Variants in ADAMTSL1 observed in about 807,000 individuals in gnomAD.
The protein encoded by ADAMTSL1 is ADAMTS like 1.
In ADAMTSL1, 126 loss-of-function variants were observed where a neutral mutation model predicts 201.8. The observed-to-expected ratio is 0.62, with a 90% CI of 0.54 to 0.72. ADAMTSL1 has a LOEUF of 0.72. Among genes scored for constraint, ADAMTSL1 ranks in the 30% least tolerant of loss-of-function variants. The probability of loss-of-function intolerance (pLI) is 0.00; values close to 1 mark genes in which losing one functional copy is unlikely to be tolerated. For synonymous variants in ADAMTSL1, 1,121 were observed against 903.4 expected (o/e 1.24, Z -4.32); for missense variants, 2,679 against 2,277.8 (o/e 1.18, Z -3.59).
chr9:18,236,112 T>A (rs1385948322), intron 2 of ADAMTSL1, among the ~76,000 whole-genome samples: 12 of 152,116 alleles, frequency 7.9e-5, no homozygotes, highest in Admixed American at 7.9e-4. Flanking sequence ...CCAAAATCTA[T>A]CGGGCTGGAG....
intron 20 of ADAMTSL1, among the ~76,000 whole-genome samples, chr9:18,797,687 C>T (rs773549542): frequency 6.6e-6 from 1 of 152,128 alleles, no homozygotes; most frequent in East Asian, 1.9e-4. Flanking sequence ...TGATCTTGGA[C>T]AAAGTATATA....
At chr9:18,417,009 T>C (rs1934591) in intron 2 of ADAMTSL1, among the ~76,000 whole-genome samples, 103,378 of 151,722 alleles carry the variant, frequency 0.68, 35,469 homozygotes, top group East Asian at 0.9. Flanking sequence ...CAATAGACTG[T>C]ATTCTGGGCC....
chr9:18,423,106 C>T (rs1365856222), intron 2 of ADAMTSL1, among the ~76,000 whole-genome samples: 1 of 152,106 alleles, frequency 6.6e-6, no homozygotes, highest in African/African-American at 2.4e-5. Flanking sequence ...ATTAAATTTT[C>T]CGAGGCCTTT....
chr9:18,004,990 T>C (rs1819754365), intron 1 of ADAMTSL1, among the ~76,000 whole-genome samples: 1 of 152,136 alleles, frequency 6.6e-6, no homozygotes, highest in Non-Finnish European at 1.5e-5. Context: ...TTATATATAA[T>C]GACAAGTAAG....
At chr9:18,556,043 G>C (rs888981797) in intron 3 of ADAMTSL1, among the ~76,000 whole-genome samples, 1 of 151,890 alleles carries the variant, frequency 6.6e-6, no homozygotes, top group Non-Finnish European at 1.5e-5. Flanking sequence ...AGACAGCTCA[G>C]CTCTCAGGAT....
chr9:17,951,312 G>T (rs530652746), intron 1 of ADAMTSL1, among the ~76,000 whole-genome samples: 10 of 152,276 alleles, frequency 6.6e-5, no homozygotes, highest in Admixed American at 5.2e-4. Flanking sequence ...GAATCCACAT[G>T]AGTCTGCCCA....
chr9:17,913,731 G>T (rs1046075025), intron 1 of ADAMTSL1, among the ~76,000 whole-genome samples: 1 of 152,118 alleles, frequency 6.6e-6, no homozygotes, highest in Non-Finnish European at 1.5e-5. Flanking sequence ...ATGAATCCAG[G>T]AGCTGGTTTT....
At chr9:18,156,403 C>A (rs986806550) in intron 1 of ADAMTSL1, among the ~76,000 whole-genome samples, 2 of 151,968 alleles carry the variant, frequency 1.3e-5, no homozygotes, top group African/African-American at 2.4e-5. Flanking sequence ...AACTCCTAAG[C>A]AACTCACTTT....
At chr9:18,035,738 T>C (rs1479304830) in intron 1 of ADAMTSL1, among the ~76,000 whole-genome samples, 2 of 152,182 alleles carry the variant, frequency 1.3e-5, no homozygotes, top group Admixed American at 1.3e-4. Flanking sequence ...TCTTTACTAG[T>C]ATTTAAGCTC....
intron 2 of ADAMTSL1, among the ~76,000 whole-genome samples, chr9:18,299,248 C>T (rs1455467064): frequency 6.6e-6 from 1 of 152,106 alleles, no homozygotes; most frequent in Non-Finnish European, 1.5e-5. Context: ...TCTGAGCCGC[C>T]ACACTATTCT....
chr9:18,420,713 A>C (rs112826585), intron 2 of ADAMTSL1, among the ~76,000 whole-genome samples: 4 of 152,252 alleles, frequency 2.6e-5, no homozygotes, highest in African/African-American at 9.6e-5. Context: ...CAGGCAGCAC[A>C]TGGGAAGCTC....
At chr9:18,105,610 A>T (rs546440623) in intron 1 of ADAMTSL1, among the ~76,000 whole-genome samples, 7 of 152,186 alleles carry the variant, frequency 4.6e-5, no homozygotes, top group Non-Finnish European at 8.8e-5. Flanking sequence ...AGCAACAAGA[A>T]TGCAGAAAGT....
intron 9 of ADAMTSL1, among the ~76,000 whole-genome samples, chr9:18,674,588 C>A (rs975713627): frequency 4.6e-5 from 7 of 151,786 alleles, no homozygotes; most frequent in Admixed American, 2.6e-4. Context: ...ATTTTATAAA[C>A]CTACTATATC....
chr9:18,245,733 A>G (rs1587388638), intron 2 of ADAMTSL1, among the ~76,000 whole-genome samples: 1 of 152,016 alleles, frequency 6.6e-6, no homozygotes, highest in East Asian at 1.9e-4. Context: ...AGTAAAATTA[A>G]CAAAAAGCAA....
chr9:18,140,833 G>A (rs980935852), intron 1 of ADAMTSL1, among the ~76,000 whole-genome samples: 1 of 152,124 alleles, frequency 6.6e-6, no homozygotes, highest in African/African-American at 2.4e-5. Flanking sequence ...ATGGAAAGCA[G>A]TAATGGAAAT....
At chr9:18,030,003 T>A (rs947068794) in intron 1 of ADAMTSL1, among the ~76,000 whole-genome samples, 1 of 151,988 alleles carries the variant, frequency 6.6e-6, no homozygotes, top group African/African-American at 2.4e-5. Context: ...TCCTCAGGGA[T>A]CTAGAACTAG....
chr9:17,980,541 A>ATG (rs907997373), intron 1 of ADAMTSL1, among the ~76,000 whole-genome samples: 23 of 151,982 alleles, frequency 1.5e-4, no homozygotes, highest in African/African-American at 5.3e-4. Flanking sequence ...TATGAACTGA[A>ATG]TGTTTGTGTT....
intron 15 of ADAMTSL1, among the ~76,000 whole-genome samples, chr9:18,752,853 C>T (rs1264011869): frequency 5.9e-5 from 9 of 152,152 alleles, no homozygotes; most frequent in Non-Finnish European, 1.2e-4. Flanking sequence ...CACTTTGAAG[C>T]CAAAGAATTA....
chr9:18,884,637 C>G (rs1180595071), intron 23 of ADAMTSL1, among the ~76,000 whole-genome samples: 3 of 152,096 alleles, frequency 2.0e-5, no homozygotes, highest in Non-Finnish European at 4.4e-5. Context: ...TTTCCCAGAA[C>G]CATTTGTTGG....
Sources: gnomAD v4.1 joint callset for allele counts (sites outside exome capture counted in the v4.1 genomes callset) on GRCh38, gnomAD v4.1.1 for gene constraint, MANE v1.5 for transcripts, NCBI Gene and HGNC (gene_info 2026-07-23, HGNC 2026-07-21) for gene names.